XKR9: variants seen among roughly 807,000 people sequenced by gnomAD.
XKR9 encodes XK-related protein 9.
Under a neutral mutation model 32.0 loss-of-function variants are expected in XKR9, and 32 were observed. That is an observed-to-expected ratio of 1.00 (90% confidence interval 0.76 to 1.34). The LOEUF (loss-of-function observed/expected upper bound fraction) is 1.34, where lower values mean the gene tolerates loss of function less well. XKR9 is among the 40% of genes most tolerant of loss of function. XKR9 has a pLI of 0.00. For synonymous variants in XKR9, 168 were observed against 143.4 expected (o/e 1.17, Z -1.22); for missense variants, 546 against 429.7 (o/e 1.27, Z -2.39).
At chr8:71,010,936 G>T in the XKR9 span, among the ~76,000 whole-genome samples, 1 of 152,144 alleles carries the variant, frequency 6.6e-6, no homozygotes. Context: ...TGAAAAAACA[G>T]CAGGCCTGCT....
At chr8:70,707,366 T>G (rs960309234) in intron 4 of XKR9, among the ~76,000 whole-genome samples, 6 of 152,068 alleles carry the variant, frequency 3.9e-5, no homozygotes, top group Non-Finnish European at 8.8e-5. Flanking sequence ...TTGTTAGTTA[T>G]TTGATGATTC....
chr8:70,670,319 A>G (rs1818669105), intron 1 of XKR9, among the ~76,000 whole-genome samples: 1 of 152,170 alleles, frequency 6.6e-6, no homozygotes, highest in Non-Finnish European at 1.5e-5. Flanking sequence ...TTTCTCTGTA[A>G]CAAGTCGGTT....
In XKR9 at chr8:70,706,920, GTTTAC is replaced by G. The variant is rs760510642; in HGVS notation, c.273-8_273-4del. 12 of 1,584,166 alleles carry G rather than the reference GTTTAC, an allele frequency of 7.6e-6. No individual in the cohort carries two copies. Among genetic ancestry groups the G allele is most frequent in the East Asian group, 6.7e-5 (3 of 44,572 alleles). Reference sequence around the variant, plus strand: ...TATAAAACTAAAGAGAAATGTTTATGTTTACTTTATAGGTATTGGTTTGCCTTAAA... The same window carrying G: ...TATAAAACTAAAGAGAAATGTTTATGTTTATAGGTATTGGTTTGCCTTAAA... On this transcript the variant is annotated splice_polypyrimidine_tract_variant and splice_region_variant and intron_variant, in intron 3 of 4. Transcript: ENST00000408926.
chr8:70,979,858 C>T, the XKR9 span, among the ~76,000 whole-genome samples: 1 of 152,212 alleles, frequency 6.6e-6, no homozygotes, highest in Non-Finnish European at 1.5e-5. Context: ...ATGCCCTACC[C>T]CCAAAGGTGG....
At chr8:70,883,349 TACC>T in the XKR9 span, among the ~76,000 whole-genome samples, 1 of 152,150 alleles carries the variant, frequency 6.6e-6, no homozygotes, top group African/African-American at 2.4e-5. Context: ...GGTGTATATA[TACC>T]ACATTTTTTT....
intron 2 of XKR9, among the ~76,000 whole-genome samples, chr8:70,741,147 G>C (rs1460482043): frequency 6.6e-6 from 1 of 152,250 alleles, no homozygotes; most frequent in Non-Finnish European, 1.5e-5. Context: ...GGGCTGCTTT[G>C]TTTACCTAAG....
chr8:70,972,425 C>G, the XKR9 span, among the ~76,000 whole-genome samples: 6 of 152,132 alleles, frequency 3.9e-5, no homozygotes, highest in South Asian at 4.1e-4. Context: ...GATGGTTTGA[C>G]TTCCTATTTA....
chr8:70,959,319 A>G, the XKR9 span, among the ~76,000 whole-genome samples: 16 of 152,204 alleles, frequency 1.1e-4, no homozygotes, highest in African/African-American at 3.9e-4. Flanking sequence ...ATATTATACC[A>G]GTGATAGTAT....
At chr8:70,725,430 A>G (rs570439838) in intron 4 of XKR9, among the ~76,000 whole-genome samples, 1 of 152,308 alleles carries the variant, frequency 6.6e-6, no homozygotes, top group South Asian at 2.1e-4. Flanking sequence ...ATTCAGCACA[A>G]TATATATTTT....
chr8:70,761,021 T>G (rs893097527), intron 2 of XKR9, among the ~76,000 whole-genome samples: 1 of 152,242 alleles, frequency 6.6e-6, no homozygotes, highest in Non-Finnish European at 1.5e-5. Context: ...GCTCTATCCA[T>G]GTTTCCGCAA....
At chr8:70,744,432 A>AT (rs1807029991) in intron 2 of XKR9, among the ~76,000 whole-genome samples, 1 of 152,112 alleles carries the variant, frequency 6.6e-6, no homozygotes, top group Admixed American at 6.5e-5. Context: ...TATTATTATC[A>AT]TCACTACCCT....
At chr8:70,800,048 T>G in the XKR9 span, among the ~76,000 whole-genome samples, 1 of 152,220 alleles carries the variant, frequency 6.6e-6, no homozygotes, top group African/African-American at 2.4e-5. Context: ...AATACCTAAT[T>G]TATTGAGAGT....
intron 1 of XKR9, among the ~76,000 whole-genome samples, chr8:70,672,239 CA>C (rs1254352560): frequency 1.3e-5 from 1 of 76,514 alleles, no homozygotes; most frequent in Non-Finnish European, 3.4e-5. Flanking sequence ...CATATGGAAC[CA>C]AAAAAGAGCC....
the XKR9 span, among the ~76,000 whole-genome samples, chr8:70,892,248 T>A: frequency 3.1e-4 from 47 of 152,228 alleles, 1 homozygote; most frequent in South Asian, 8.7e-3. Context: ...TCCATTTACA[T>A]TCAAGATTAT....
downstream of XKR9, among the ~76,000 whole-genome samples, chr8:70,736,492 T>C (rs201417730): frequency 6.6e-6 from 1 of 152,218 alleles, no homozygotes; most frequent in Non-Finnish European, 1.5e-5. Flanking sequence ...TTTGTCAATT[T>C]TGGCTTTTGT....
the XKR9 span, among the ~76,000 whole-genome samples, chr8:70,963,252 G>T: frequency 1.3e-5 from 2 of 152,110 alleles, no homozygotes; most frequent in African/African-American, 2.4e-5. Flanking sequence ...ATTTGCTGAG[G>T]ATAATGGCTC....
chr8:70,748,744 C>G (rs1807093610), intron 2 of XKR9, among the ~76,000 whole-genome samples: 1 of 152,190 alleles, frequency 6.6e-6, no homozygotes, highest in Non-Finnish European at 1.5e-5. Flanking sequence ...GCTGTCAGTT[C>G]TGGGTAGAAT....
chr8:70,831,073 C>A, the XKR9 span, among the ~76,000 whole-genome samples: 1 of 152,108 alleles, frequency 6.6e-6, no homozygotes, highest in Admixed American at 6.6e-5. Flanking sequence ...GGTGGATCAC[C>A]TGAGGTCAGG....
chr8:70,856,498 A>G, the XKR9 span, among the ~76,000 whole-genome samples: 1 of 152,144 alleles, frequency 6.6e-6, no homozygotes, highest in Non-Finnish European at 1.5e-5. Flanking sequence ...CTACAAAGAG[A>G]CTTAGACTCC....
Sources: allele counts gnomAD v4.1 joint callset (sites outside exome capture counted in the v4.1 genomes callset), GRCh38; gene constraint gnomAD v4.1.1; transcripts MANE v1.5; gene names NCBI Gene and HGNC (gene_info 2026-07-23, HGNC 2026-07-21).